Variants in UBE2E2 observed in about 807,000 individuals in gnomAD.
UBE2E2 encodes ubiquitin-conjugating enzyme E2 E2.
In UBE2E2, 6 loss-of-function variants were observed where a neutral mutation model predicts 24.7. The ratio of observed to expected loss-of-function variants is 0.24; its 90% CI spans 0.13 to 0.48. The LOEUF is 0.48. UBE2E2 is among the 20% of genes least tolerant of loss of function. The pLI is 0.99. For synonymous variants in UBE2E2, 104 were observed against 83.6 expected, an observed-to-expected ratio of 1.24 and a Z score of -1.33; for missense variants, 169 against 245.0, an observed-to-expected ratio of 0.69 and a Z score of 2.07.
chr3:23,252,032 A>C (rs1697589108), intron 3 of UBE2E2, among the ~76,000 whole-genome samples: 1 of 152,240 alleles, frequency 6.6e-6, no homozygotes, highest in African/African-American at 2.4e-5. Flanking sequence ...GGGCACATGT[A>C]TTATATTTTT....
At chr3:23,483,964 A>G (rs750630786) in intron 3 of UBE2E2, among the ~76,000 whole-genome samples, 4 of 152,148 alleles carry the variant, frequency 2.6e-5, no homozygotes, top group Middle Eastern at 3.2e-3. Context: ...CTGGGGAGGG[A>G]GCAGCGAACT....
At chr3:23,303,759 A>T (rs1327465175) in intron 3 of UBE2E2, among the ~76,000 whole-genome samples, 2 of 152,210 alleles carry the variant, frequency 1.3e-5, no homozygotes, top group African/African-American at 4.8e-5. Context: ...TTACTACAAG[A>T]GGTAGAAATA....
intron 3 of UBE2E2, among the ~76,000 whole-genome samples, chr3:23,362,468 G>A (rs983426895): frequency 2.6e-5 from 4 of 152,188 alleles, no homozygotes; most frequent in Non-Finnish European, 5.9e-5. Context: ...CCTGGGAGCA[G>A]TAAGATTACA....
chr3:23,372,357 T>A (rs1406093253), intron 3 of UBE2E2, among the ~76,000 whole-genome samples: 1 of 152,156 alleles, frequency 6.6e-6, no homozygotes, highest in Non-Finnish European at 1.5e-5. Flanking sequence ...GTGATACCAC[T>A]GGAAGAAAAA....
chr3:23,212,118 A>G (rs995920091), intron 2 of UBE2E2, among the ~76,000 whole-genome samples: 3 of 152,234 alleles, frequency 2.0e-5, no homozygotes, highest in Non-Finnish European at 4.4e-5. Context: ...ATAAGCTGGT[A>G]TAGAACTATG....
At chr3:23,252,644 G>A (rs942976779) in intron 3 of UBE2E2, among the ~76,000 whole-genome samples, 2 of 152,130 alleles carry the variant, frequency 1.3e-5, no homozygotes, top group Non-Finnish European at 2.9e-5. Context: ...TTACAGGCAC[G>A]TGCCGCCGCA....
intron 3 of UBE2E2, among the ~76,000 whole-genome samples, chr3:23,343,834 G>C (rs1198312570): frequency 6.6e-6 from 1 of 152,086 alleles, no homozygotes; most frequent in Non-Finnish European, 1.5e-5. Flanking sequence ...TCCTATGTCT[G>C]GTTTCTTCTG....
At chr3:23,255,260 T>G (rs931418065) in intron 3 of UBE2E2, among the ~76,000 whole-genome samples, 3 of 138,644 alleles carry the variant, frequency 2.2e-5, no homozygotes, top group African/African-American at 5.3e-5. Flanking sequence ...ATTTTTGTAG[T>G]TTTTTTTTTT....
chr3:23,472,789 C>T (rs775681389), intron 3 of UBE2E2, among the ~76,000 whole-genome samples: 7 of 151,618 alleles, frequency 4.6e-5, no homozygotes, highest in South Asian at 2.1e-4. Context: ...GGACCACAGG[C>T]GCACATGCTA....
chr3:23,584,468 T>C (rs1471883782), intron 5 of UBE2E2, among the ~76,000 whole-genome samples: 2 of 152,046 alleles, frequency 1.3e-5, no homozygotes, highest in East Asian at 1.9e-4. Flanking sequence ...AAGGTGGGAG[T>C]TGTCTGAGCC....
intron 3 of UBE2E2, among the ~76,000 whole-genome samples, chr3:23,385,120 T>A (rs1385593598): frequency 1.3e-5 from 2 of 152,182 alleles, no homozygotes; most frequent in African/African-American, 2.4e-5. Context: ...CTAATGATGG[T>A]TGTTAACTGC....
chr3:23,424,752 A>G (rs952491362), intron 3 of UBE2E2, among the ~76,000 whole-genome samples: 3 of 152,192 alleles, frequency 2.0e-5, no homozygotes, highest in Non-Finnish European at 2.9e-5. Context: ...TAATAGAAAC[A>G]TTTAAAGAAG....
intron 3 of UBE2E2, among the ~76,000 whole-genome samples, chr3:23,230,185 T>C (rs1471969230): frequency 1.3e-5 from 2 of 152,226 alleles, no homozygotes; most frequent in East Asian, 3.8e-4. Flanking sequence ...ATTGGTTAGA[T>C]ATTTATTTTA....
intron 3 of UBE2E2, among the ~76,000 whole-genome samples, chr3:23,444,642 G>C (rs1698386061): frequency 6.6e-6 from 1 of 152,112 alleles, no homozygotes; most frequent in African/African-American, 2.4e-5. Flanking sequence ...CCATACCCTG[G>C]AGGGCAGTGC....
chr3:23,466,365 T>G (rs1324117887), intron 3 of UBE2E2, among the ~76,000 whole-genome samples: 1 of 152,218 alleles, frequency 6.6e-6, no homozygotes, highest in Admixed American at 6.5e-5. Flanking sequence ...TTGTCTACAG[T>G]GCAGCGTCCT....
chr3:23,480,951 C>T (rs989783022), intron 3 of UBE2E2, among the ~76,000 whole-genome samples: 8 of 151,826 alleles, frequency 5.3e-5, no homozygotes, highest in African/African-American at 9.7e-5. Context: ...ATTTTGTTGG[C>T]GGTCTAGAAA....
intron 3 of UBE2E2, among the ~76,000 whole-genome samples, chr3:23,285,973 A>G (rs1184506169): frequency 6.6e-6 from 1 of 152,250 alleles, no homozygotes; most frequent in Non-Finnish European, 1.5e-5. Flanking sequence ...CTGGGATTAC[A>G]GAAATGAGCC....
At chr3:23,230,776 A>C (rs1696953214) in intron 3 of UBE2E2, among the ~76,000 whole-genome samples, 1 of 151,504 alleles carries the variant, frequency 6.6e-6, no homozygotes, top group Admixed American at 6.6e-5. Flanking sequence ...GCAAGAGCGA[A>C]ACTCCTTCTC....
At chr3:23,414,558 C>T (rs762301103) in intron 3 of UBE2E2, among the ~76,000 whole-genome samples, 8 of 152,192 alleles carry the variant, frequency 5.3e-5, no homozygotes, top group Admixed American at 2.6e-4. Flanking sequence ...CAGATTCAAA[C>T]TATATCACAT....
Sources: gnomAD v4.1 joint callset for allele counts (sites outside exome capture counted in the v4.1 genomes callset) on GRCh38, gnomAD v4.1.1 for gene constraint, MANE v1.5 for transcripts, NCBI Gene and HGNC (gene_info 2026-07-23, HGNC 2026-07-21) for gene names.